The following TXNDC12 variants were observed in gnomAD, a reference collection of about 807,000 sequenced individuals.
The protein encoded by TXNDC12 is thioredoxin domain containing 12.
Under a neutral mutation model 24.2 loss-of-function variants are expected in TXNDC12, and 22 were observed. The observed-to-expected ratio is 0.91, with a 90% CI of 0.65 to 1.30. The LOEUF is 1.30. Ranked by LOEUF, TXNDC12 falls within the 50% of genes most tolerant of loss-of-function variation. TXNDC12 has a pLI of 0.00. For synonymous variants in TXNDC12, 58 were observed against 73.4 expected (o/e 0.79, Z 1.07); for missense variants, 184 against 205.8 (o/e 0.89, Z 0.65).
At chr1:52,032,802 G>C in intron 2 of TXNDC12, 1 of 1,614,234 alleles carries the variant, frequency 6.2e-7, no homozygotes, top group Non-Finnish European at 8.5e-7. Context: ...GGCGACGAAG[G>C]CGACTCAGTT....
At chr1:52,032,867 T>G (rs777011809) in intron 2 of TXNDC12, 17 of 1,614,158 alleles carry the variant, frequency 1.1e-5, no homozygotes, top group Non-Finnish European at 1.4e-5. Flanking sequence ...CCAGGAAGCG[T>G]GAGCAAGTCC....
chr1:52,037,187 T>C (rs1051569737), intron 2 of TXNDC12, among the ~76,000 whole-genome samples: 19 of 151,920 alleles, frequency 1.3e-4, no homozygotes, highest in Admixed American at 1.2e-3. Flanking sequence ...AAATATTGTG[T>C]TTGGAGGCAA....
intron 2 of TXNDC12, among the ~76,000 whole-genome samples, chr1:52,039,782 T>C (rs1056351526): frequency 6.6e-6 from 1 of 152,240 alleles, no homozygotes; most frequent in Non-Finnish European, 1.5e-5. Context: ...TTATTAGTAA[T>C]GTTATATACT....
chr1:52,032,749 A>C (rs1179905215), intron 2 of TXNDC12: 2 of 1,613,854 alleles, frequency 1.2e-6, no homozygotes, highest in Non-Finnish European at 1.7e-6. Flanking sequence ...CAGTTGCGGC[A>C]AGTTCTCATT....
rs758631645 is a variant in TXNDC12, at chr1:52,055,073, C to T, written c.24G>A (p.Gly8=). 5.6e-6 allele frequency: 9 copies of T among 1,613,944 alleles called. No homozygotes were observed. The highest frequency in any genetic ancestry group is 7.6e-6 in the Non-Finnish European group (9 of 1,179,978). The change falls in exon 1 of 7, where the codon GGG becomes GGA. Residue 8 remains glycine (G), a synonymous_variant. Coordinates refer to ENST00000371626, the MANE Select transcript of TXNDC12 (RefSeq NM_015913.4). ...AACTGAAGCCCAGCAAACAGGTGGC[C>T]CCGAGACGAGGCCGCGTCTCCATGG... METRPRL[G]ATCLLGFSFL... is the part of the protein sequence containing the mutation.
chr1:52,033,694 A>G (rs1189018383), intron 2 of TXNDC12: 11 of 1,611,204 alleles, frequency 6.8e-6, no homozygotes, highest in African/African-American at 1.3e-5. Context: ...AGCCAGCGCC[A>G]CGCGCAACTC....
intron 3 of TXNDC12, 50 bp from the exon 4 acceptor site, chr1:52,027,398 C>T (rs746478303): frequency 7.5e-7 from 1 of 1,325,602 alleles, no homozygotes; most frequent in South Asian, 1.2e-5. Context: ...ATTGTCACAA[C>T]TAAACCTTAA....
At position 52,020,855 on chromosome 1, in the gene TXNDC12, G is replaced by A. The variant is rs12125706; in HGVS notation, c.*78C>T. ...TTTCCTGGTCGGCTTAATTGTTCTA[G>A]ATGATTCCTCAATATTCCCTTCCCT... On this transcript the variant is annotated 3_prime_UTR_variant, in exon 7 of 7. Transcript: ENST00000371626. The A allele has an allele frequency of 2.4e-6, 3 of 1,259,232 alleles. No homozygotes were observed. Among genetic ancestry groups the A allele is most frequent in the Non-Finnish European group, 3.5e-6 (3 of 866,004 alleles). 78.0% of individuals were successfully genotyped at this position (1,259,232 alleles called of 1,614,324 possible).
intron 1 of TXNDC12, among the ~76,000 whole-genome samples, chr1:52,052,024 T>C (rs1431691605): frequency 6.6e-6 from 1 of 152,232 alleles, no homozygotes; most frequent in African/African-American, 2.4e-5. Flanking sequence ...ATTTTCTAAG[T>C]GTCCGACACA....
At chr1:52,034,104 G>T in intron 2 of TXNDC12, 1 of 1,224,862 alleles carries the variant, frequency 8.2e-7, no homozygotes, top group Non-Finnish European at 1.0e-6. Flanking sequence ...GCATATAGAA[G>T]GCAATTAATA....
chr1:52,036,068 AATG>A (rs1685878485), intron 2 of TXNDC12, among the ~76,000 whole-genome samples: 1 of 152,172 alleles, frequency 6.6e-6, no homozygotes, highest in Non-Finnish European at 1.5e-5. Context: ...TTTAATGCCT[AATG>A]CACAGTAGCA....
intron 2 of TXNDC12, chr1:52,033,581 C>T (rs78835924): frequency 6.2e-7 from 1 of 1,613,624 alleles, no homozygotes; most frequent in Non-Finnish European, 8.5e-7. Flanking sequence ...GCTCGCAGAG[C>T]TCCACGCAAT....
At chr1:52,055,407 T>G, upstream of TXNDC12, 1 of 308,692 alleles carries the variant, frequency 3.2e-6, no homozygotes. Context: ...GCCAAGATAG[T>G]AGGGGCGGGG....
intron 1 of TXNDC12, among the ~76,000 whole-genome samples, chr1:52,048,017 G>A (rs921837392): frequency 2.6e-4 from 39 of 152,066 alleles, no homozygotes; most frequent in Middle Eastern, 3.4e-3. Context: ...AGAAAAAAAA[G>A]CACAGAAAAA....
intron 1 of TXNDC12, among the ~76,000 whole-genome samples, chr1:52,046,663 G>C (rs1026122801): frequency 6.6e-6 from 1 of 151,608 alleles, no homozygotes; most frequent in Non-Finnish European, 1.5e-5. Context: ...ATCACTTGAG[G>C]TCAGGAGTTC....
chr1:52,039,034 G>A (rs1685938054), intron 2 of TXNDC12, among the ~76,000 whole-genome samples: 1 of 118,518 alleles, frequency 8.4e-6, no homozygotes, highest in African/African-American at 3.3e-5. Context: ...CAGTCCTCCT[G>A]CCTCAGACTC....
intron 1 of TXNDC12, among the ~76,000 whole-genome samples, chr1:52,042,659 G>A (rs889376450): frequency 4.0e-5 from 6 of 151,568 alleles, no homozygotes; most frequent in African/African-American, 9.7e-5. Context: ...TTTTGCTCTT[G>A]TTGCCCAGGC....
intron 2 of TXNDC12, among the ~76,000 whole-genome samples, chr1:52,038,318 T>G (rs976497631): frequency 5.9e-5 from 9 of 151,662 alleles, no homozygotes; most frequent in South Asian, 4.2e-4. Flanking sequence ...GTATCTTGTT[T>G]TTTTTTTTTT....
chr1:52,046,756 G>A (rs1330740275), intron 1 of TXNDC12, among the ~76,000 whole-genome samples: 5 of 150,926 alleles, frequency 3.3e-5, no homozygotes, highest in African/African-American at 4.9e-5. Context: ...GGTGGCTCAC[G>A]CCTGTAATCC....
Sources: allele counts gnomAD v4.1 joint callset (sites outside exome capture counted in the v4.1 genomes callset), GRCh38; gene constraint gnomAD v4.1.1; transcripts MANE v1.5; gene names NCBI Gene and HGNC (gene_info 2026-07-23, HGNC 2026-07-21).